KCNS2: variants seen among roughly 807,000 people sequenced by gnomAD.
The protein encoded by KCNS2 is delayed-rectifier potassium channel regulatory subunit KCNS2.
KCNS2 carries 15 observed loss-of-function variants against 28.3 expected under a neutral mutation model. The observed-to-expected ratio is 0.53, with a 90% confidence interval of 0.35 to 0.82. KCNS2 has a LOEUF of 0.82. Ranked by LOEUF, KCNS2 falls within the 40% of genes least tolerant of loss-of-function variation. The pLI is 0.01. For missense variants in KCNS2, 501 were observed against 617.1 expected, an observed-to-expected ratio of 0.81 and a Z score of 1.99; for synonymous variants, 254 against 256.7, an observed-to-expected ratio of 0.99 and a Z score of 0.10.
At position 98,430,793 on chromosome 8, in the gene KCNS2, T is replaced by C. The variant is rs987780235; in HGVS notation, c.*1380T>C. The stretch of plus-strand genomic sequence containing the variant: ...TGTAAAATAAAAAACTGCTAGTTCA[T>C]AAAATGTCATAAAAAATTGTAAACT... On this transcript the variant is annotated 3_prime_UTR_variant, in exon 2 of 2. Coordinates refer to ENST00000287042, the MANE Select transcript of KCNS2 (RefSeq NM_020697.4). 6.0e-6 allele frequency: 1 copy of C among 167,056 alleles called. No homozygotes were observed. Among genetic ancestry groups the C allele is most frequent in the South Asian group, 2.1e-4 (1 of 4,824 alleles). 10.3% of individuals were successfully genotyped at this position (167,056 alleles called of 1,614,324 possible).
chr8:98,427,958 G>A lies in KCNS2; in HGVS notation c.-22G>A, dbSNP rs1818264441. ...TCCAGGTGTAGCGCCCCCGCGCGGCGCGGGCGGCCGGCGCCTCCAGCATGA... is the reference window on the plus strand; with the variant it reads ...TCCAGGTGTAGCGCCCCCGCGCGGCACGGGCGGCCGGCGCCTCCAGCATGA... On this transcript the variant is annotated 5_prime_UTR_variant, in exon 2 of 2. Transcript: ENST00000287042. 3 of 1,480,522 alleles carry A rather than the reference G, an allele frequency of 2.0e-6. No homozygotes were observed. The highest frequency in any genetic ancestry group is 2.7e-6 in the Non-Finnish European group (3 of 1,111,882). 91.7% of individuals were successfully genotyped at this position (1,480,522 alleles called of 1,614,324 possible). A position where few individuals can be genotyped will look rare whatever the true frequency, so the allele number is the denominator to read the frequency against.
At position 98,430,350 on chromosome 8, in the gene KCNS2, T is replaced by C. The variant is rs2131072322; in HGVS notation, c.*937T>C. ...CTAAGATATTAGCATGTTTTTGAAA[T>C]ATTTATTTTTTAAGATGTTTAGGAG... is the stretch of plus-strand genomic sequence containing the variant. On this transcript the variant is annotated 3_prime_UTR_variant, in exon 2 of 2. Transcript: ENST00000287042. The C allele has an allele frequency of 6.0e-6, 1 of 167,190 alleles. No individual in the cohort carries two copies. Among genetic ancestry groups the C allele is most frequent in the African/African-American group, 2.4e-5 (1 of 41,550 alleles). The allele number at this position is 167,190 out of a possible 1,614,324, so 10.4% of individuals were successfully genotyped here.
Position 98,431,077 on chromosome 8 carries a change from T to C in KCNS2, c.*1664T>C, listed in dbSNP as rs1818318534. On this transcript the variant is annotated 3_prime_UTR_variant, in exon 2 of 2. Coordinates refer to ENST00000287042, the MANE Select transcript of KCNS2 (RefSeq NM_020697.4). ...GAACCCAGGGGTCTGAGCATGGAGCTATCCAGGGTTTTCATCCAAAGGTTG... is the reference window on the plus strand; with the variant it reads ...GAACCCAGGGGTCTGAGCATGGAGCCATCCAGGGTTTTCATCCAAAGGTTG... 1 of 167,122 alleles carries C rather than the reference T, an allele frequency of 6.0e-6. No homozygotes were observed. The highest frequency in any genetic ancestry group is 2.4e-5 in the African/African-American group (1 of 41,464). The allele number at this position is 167,122 out of a possible 1,614,324, so 10.4% of individuals were successfully genotyped here.
rs1166286283 is a variant in KCNS2, at chr8:98,428,477, C to T, written c.498C>T (p.Leu166=). Residue 166 remains leucine (L), a synonymous_variant, in exon 2 of 2, where the codon CTC becomes CTT. Coordinates refer to ENST00000287042, the MANE Select transcript of KCNS2 (RefSeq NM_020697.4). This position sits in a 1 kb window ranked among gnomAD's most constrained non-coding sequence, Gnocchi z 6.7. The part of the protein sequence containing the change: ...NDASKFDGQP[L]GNFRRQLWLA... ...CCTCCAAGTTCGATGGGCAGCCCCT[C>T]GGCAACTTCCGCAGGCAGCTGTGGC... 1.2e-6 allele frequency: 2 copies of T among 1,614,132 alleles called. No individual in the cohort carries two copies. Among genetic ancestry groups the T allele is most frequent in the South Asian group, 1.1e-5 (1 of 91,078 alleles).
rs967027256 is a variant in KCNS2, at chr8:98,431,339, T to C, written c.*1926T>C. ...AGGCTGGGAGGTGGCTGTCTCCTAGTGTCTACATCCGTGTCTCTGAAGCAT... is the reference window on the plus strand; with the variant it reads ...AGGCTGGGAGGTGGCTGTCTCCTAGCGTCTACATCCGTGTCTCTGAAGCAT... On this transcript the variant is annotated 3_prime_UTR_variant, in exon 2 of 2. Coordinates refer to ENST00000287042, the MANE Select transcript of KCNS2 (RefSeq NM_020697.4). The C allele has an allele frequency of 1.8e-5, 3 of 167,100 alleles. No individual in the cohort carries two copies. The highest frequency in any genetic ancestry group is 4.8e-5 in the African/African-American group (2 of 41,448). 10.4% of individuals were successfully genotyped at this position (167,100 alleles called of 1,614,324 possible). A position where few individuals can be genotyped will look rare whatever the true frequency, so the allele number is the denominator to read the frequency against.
rs1387494284 is a variant in KCNS2, at chr8:98,431,733, T to C, written c.*2320T>C. ...TACCCTAGTGGTTACCCTTTGCAGA[T>C]GTGAAAGCTGGAAAACTTGACTTTT... On this transcript the variant is annotated 3_prime_UTR_variant, in exon 2 of 2. Transcript: ENST00000287042. 1.8e-5 allele frequency: 3 copies of C among 167,140 alleles called. No individual in the cohort carries two copies. The highest frequency in any genetic ancestry group is 7.2e-5 in the African/African-American group (3 of 41,472). 10.4% of individuals were successfully genotyped at this position (167,140 alleles called of 1,614,324 possible).
chr8:98,429,636 A>G lies in KCNS2; in HGVS notation c.*223A>G. On this transcript the variant is annotated 3_prime_UTR_variant, in exon 2 of 2. Coordinates refer to ENST00000287042, the MANE Select transcript of KCNS2 (RefSeq NM_020697.4). ...TGCACCTTTCCATGAAATGACACTCACTGGTCTTTGCATCGTGGGCATAAA... is the reference window on the plus strand; with the variant it reads ...TGCACCTTTCCATGAAATGACACTCGCTGGTCTTTGCATCGTGGGCATAAA... 1 of 523,544 alleles carries G rather than the reference A, an allele frequency of 1.9e-6. No individual in the cohort carries two copies. Among genetic ancestry groups the G allele is most frequent in the Middle Eastern group, 5.0e-4 (1 of 2,000 alleles). 32.4% of individuals were successfully genotyped at this position (523,544 alleles called of 1,614,324 possible). A position where few individuals can be genotyped will look rare whatever the true frequency, so the allele number is the denominator to read the frequency against.
chr8:98,427,770 C>T, intron 1 of KCNS2, 168 bp from the exon 2 acceptor site: 1 of 549,136 alleles, frequency 1.8e-6, no homozygotes. Context: ...ACATACCCAC[C>T]CCCAGCCTTT....
intron 1 of KCNS2, 118 bp downstream of exon 1, chr8:98,427,447 G>A (rs1237358188): frequency 6.6e-6 from 1 of 152,080 alleles, no homozygotes; most frequent in Non-Finnish European, 1.5e-5. Flanking sequence ...GGGGACGCGG[G>A]GGCTGCAGGC....
Position 98,432,269 on chromosome 8 carries a change from A to G in KCNS2, c.*2856A>G, listed in dbSNP as rs1267596342. On this transcript the variant is annotated 3_prime_UTR_variant, in exon 2 of 2. Coordinates refer to ENST00000287042, the MANE Select transcript of KCNS2 (RefSeq NM_020697.4). ...AACCTCCTTTAGGGGGACAGAGTAG[A>G]AACTGGAGATGACTTGTTTCCAGCT... The G allele has an allele frequency of 6.0e-6, 1 of 167,052 alleles. No homozygotes were observed. Among genetic ancestry groups the G allele is most frequent in the Non-Finnish European group, 1.5e-5 (1 of 68,120 alleles). The allele number at this position is 167,052 out of a possible 1,614,324, so 10.3% of individuals were successfully genotyped here. A position where few individuals can be genotyped will look rare whatever the true frequency, so the allele number is the denominator to read the frequency against.
chr8:98,428,790 T>G lies in KCNS2; in HGVS notation c.811T>G (p.Phe271Val). ...TATTGACCTCATGTCCATCGTCCCCTTTTACATCACTCTGGTGGTGAACCT... is the reference window on the plus strand; with the variant it reads ...TATTGACCTCATGTCCATCGTCCCCGTTTACATCACTCTGGTGGTGAACCT... The part of the protein sequence containing the change: ...NLIDLMSIVP[F>V]YITLVVNLVV... The change falls in exon 2 of 2, where the codon TTT (phenylalanine) becomes GTT (valine). Residue 271 changes from phenylalanine to valine, a missense_variant. Physicochemically the swap from Phe to Val is conservative, Grantham distance 50. Transcript: ENST00000287042. The surrounding 1 kb of genome is among the most constrained non-coding windows in gnomAD (Gnocchi z 6.7). The G allele has an allele frequency of 6.2e-7, 1 of 1,614,190 alleles. No homozygotes were observed. Among genetic ancestry groups the G allele is most frequent in the Non-Finnish European group, 8.5e-7 (1 of 1,180,038 alleles).
rs1365533034 is a variant in KCNS2, at chr8:98,428,097, G to A, written c.118G>A (p.Glu40Lys). The change falls in exon 2 of 2, where the codon GAG becomes AAG. Residue 40 changes from glutamate to lysine, a missense_variant. By Grantham distance (56) the Glu-to-Lys change is moderately conservative. Transcript: ENST00000287042. The surrounding 1 kb of genome is among the most constrained non-coding windows in gnomAD (Gnocchi z 6.7). ...LRSHTLLRFP[E>K]TRLGRLLLCH... ...CTCGCACACGCTGCTGCGCTTCCCC[G>A]AGACGCGCCTGGGCCGCTTGCTGCT... 1 of 1,613,848 alleles carries A rather than the reference G, an allele frequency of 6.2e-7. No individual in the cohort carries two copies. Among genetic ancestry groups the A allele is most frequent in the South Asian group, 1.1e-5 (1 of 91,066 alleles).
In KCNS2 at chr8:98,428,894, C is replaced by G. The variant is rs771492184; in HGVS notation, c.915C>G (p.Ile305Met). The part of the protein sequence containing the change: ...QVLRLMRIFR[I>M]LKLARHSTGL... Reference sequence around the variant, plus strand: ...TGAGGCTGATGCGGATCTTCCGCATCTTAAAGCTGGCCAGGCACTCCACTG... The same window carrying G: ...TGAGGCTGATGCGGATCTTCCGCATGTTAAAGCTGGCCAGGCACTCCACTG... Residue 305 changes from isoleucine to methionine, a missense_variant, in exon 2 of 2, where the codon ATC (isoleucine) becomes ATG (methionine). Physicochemically the swap from Ile to Met is conservative, Grantham distance 10. Transcript: ENST00000287042. The surrounding 1 kb of genome is among the most constrained non-coding windows in gnomAD (Gnocchi z 6.7). 1.9e-6 allele frequency: 3 copies of G among 1,614,192 alleles called. No individual in the cohort carries two copies. Among genetic ancestry groups the G allele is most frequent in the South Asian group, 1.1e-5 (1 of 91,076 alleles).
Position 98,428,269 on chromosome 8 carries a change from G to A in KCNS2, c.290G>A (p.Cys97Tyr). 6.2e-7 allele frequency: 1 copy of A among 1,614,128 alleles called. No individual in the cohort carries two copies. The highest frequency in any genetic ancestry group is 8.5e-7 in the Non-Finnish European group (1 of 1,180,026). Residue 97 changes from cysteine to tyrosine, a missense_variant, in exon 2 of 2, where the codon TGT (cysteine) becomes TAT (tyrosine). Cys to Tyr is a radical substitution (Grantham distance 194). Coordinates refer to ENST00000287042, the MANE Select transcript of KCNS2 (RefSeq NM_020697.4). The surrounding 1 kb of genome is among the most constrained non-coding windows in gnomAD (Gnocchi z 6.7). Reference protein sequence around the residue: ...TGKLHVMAELCVFSFSQEIEY... With the variant: ...TGKLHVMAELYVFSFSQEIEY... The stretch of plus-strand genomic sequence containing the variant: ...AAGCTTCACGTCATGGCTGAGCTAT[G>A]TGTCTTCTCCTTCAGCCAGGAGATC...
rs1184351383 is a variant in KCNS2 at position 98,432,387 on chromosome 8, G to A, written c.*2974G>A. 6.0e-6 allele frequency: 1 copy of A among 167,086 alleles called. No homozygotes were observed. The highest frequency in any genetic ancestry group is 1.5e-5 in the Non-Finnish European group (1 of 68,126). 10.4% of individuals were successfully genotyped at this position (167,086 alleles called of 1,614,324 possible). ...ATATGGGCCAGGCTTTGATATCTGT[G>A]ATGTGCATTTTGGAAGTGCTGGGTT... On this transcript the variant is annotated 3_prime_UTR_variant, in exon 2 of 2. Coordinates refer to ENST00000287042, the MANE Select transcript of KCNS2 (RefSeq NM_020697.4).
In KCNS2 at chr8:98,429,734, G is replaced by A; in HGVS notation, c.*321G>A. 1 of 295,582 alleles carries A rather than the reference G, an allele frequency of 3.4e-6. No homozygotes were observed. Among genetic ancestry groups the A allele is most frequent in the Admixed American group, 4.7e-5 (1 of 21,068 alleles). 18.3% of individuals were successfully genotyped at this position (295,582 alleles called of 1,614,324 possible). A position where few individuals can be genotyped will look rare whatever the true frequency, so the allele number is the denominator to read the frequency against. Reference sequence around the variant, plus strand: ...TGTCCATCGTGTACGCTATTCTAGTGCTTGTGGCCCAGTACTGTCTATGAG... The same window carrying A: ...TGTCCATCGTGTACGCTATTCTAGTACTTGTGGCCCAGTACTGTCTATGAG... On this transcript the variant is annotated 3_prime_UTR_variant, in exon 2 of 2. Transcript: ENST00000287042.
Position 98,428,131 on chromosome 8 carries a change from C to T in KCNS2, c.152C>T (p.Ser51Leu). The change falls in exon 2 of 2, where the codon TCG becomes TTG. Residue 51 changes from serine to leucine, a missense_variant. Physicochemically the swap from Ser to Leu is moderately radical, Grantham distance 145. Coordinates refer to ENST00000287042, the MANE Select transcript of KCNS2 (RefSeq NM_020697.4). This position sits in a 1 kb window ranked among gnomAD's most constrained non-coding sequence, Gnocchi z 6.7. ...CTGGGCCGCTTGCTGCTCTGCCACT[C>T]GCGCGAGGCCATTCTGGAGCTCTGC... ...TRLGRLLLCHSREAILELCDD... is the reference protein window; with the variant it reads ...TRLGRLLLCHLREAILELCDD... The T allele has an allele frequency of 6.2e-7, 1 of 1,614,026 alleles. No individual in the cohort carries two copies. The highest frequency in any genetic ancestry group is 8.5e-7 in the Non-Finnish European group (1 of 1,180,020).
intron 1 of KCNS2, 197 bp downstream of exon 1, chr8:98,427,526 GCGCATCCCC>G (rs1818253937): frequency 6.6e-6 from 1 of 151,622 alleles, no homozygotes; most frequent in East Asian, 2.0e-4. Context: ...CCAGACTCCA[GCGCATCCCC>G]CCCACCCCAC....
Position 98,428,074 on chromosome 8 carries a change from C to T in KCNS2, c.95C>T (p.Ser32Leu), listed in dbSNP as rs1436279030. ...NVGGFKRRLR[S>L]HTLLRFPETR... is the part of the protein sequence containing the mutation. ...GGCGGCTTCAAGAGGAGGCTGCGCT[C>T]GCACACGCTGCTGCGCTTCCCCGAG... Residue 32 changes from serine to leucine, a missense_variant, in exon 2 of 2, where the codon TCG (serine) becomes TTG (leucine). By Grantham distance (145) the Ser-to-Leu change is moderately radical (BLOSUM62 -2). Transcript: ENST00000287042. This position sits in a 1 kb window ranked among gnomAD's most constrained non-coding sequence, Gnocchi z 6.7. 1 of 1,613,434 alleles carries T rather than the reference C, an allele frequency of 6.2e-7. No individual in the cohort carries two copies. Among genetic ancestry groups the T allele is most frequent in the Non-Finnish European group, 8.5e-7 (1 of 1,179,828 alleles).
Sources: allele counts gnomAD v4.1 joint callset, GRCh38; gene constraint gnomAD v4.1.1; non-coding constraint Gnocchi (gnomAD v3.1); transcripts MANE v1.5; gene names NCBI Gene and HGNC (gene_info 2026-07-23, HGNC 2026-07-21).